AGBL3: variants seen among roughly 807,000 people sequenced by gnomAD.
AGBL3 encodes AGBL carboxypeptidase 3, also known as cytosolic carboxypeptidase 3.
Under a neutral mutation model 94.5 loss-of-function variants are expected in AGBL3, and 68 were observed. The observed-to-expected ratio is 0.72, with a 90% CI of 0.59 to 0.88. The LOEUF is 0.88. Ranked by LOEUF, AGBL3 falls within the 40% of genes least tolerant of loss-of-function variation. AGBL3 has a pLI of 0.00. For missense variants in AGBL3, 934 were observed against 1,103.8 expected (o/e 0.85, Z 2.18); for synonymous variants, 354 against 370.7 (o/e 0.95, Z 0.52).
chr7:135,122,880 C>A lies in AGBL3; in HGVS notation c.2342+7269C>A, dbSNP rs922948481. 4.6e-5 allele frequency among the ~76,000 whole-genome samples: 7 copies of A among 152,220 alleles called. No homozygotes were observed. In the South Asian group the frequency reaches 1.5e-3, roughly 32 times the overall value. ...ACAACAAACAAGCCCCCAGAAAAAC[C>A]CCATCCAAGGATCAGCGCCTCAAAG... On this transcript the variant is annotated intron_variant, in intron 16 of 16. Coordinates refer to ENST00000436302, the MANE Select transcript of AGBL3 (RefSeq NM_178563.4).
At chr7:135,007,086 A>AATT in intron 4 of AGBL3, among the ~76,000 whole-genome samples, 1 of 152,064 alleles carries the variant, frequency 6.6e-6, no homozygotes, top group African/African-American at 2.4e-5. Flanking sequence ...TTCATTGCTG[A>AATT]ATTCTTCCAA....
intron 15 of AGBL3, among the ~76,000 whole-genome samples, chr7:135,112,390 T>A (rs1248194732): frequency 2.0e-5 from 3 of 152,210 alleles, no homozygotes; most frequent in Non-Finnish European, 2.9e-5. Context: ...TCTCAGAGGA[T>A]CTCAAAAGTG....
rs149625116 is a variant in AGBL3, at chr7:135,094,950, T to C, written c.2110+13160T>C. Among the ~76,000 whole-genome samples the C allele has an allele frequency of 2.3e-3, 343 of 152,348 alleles. 1 individual carries two copies. Among genetic ancestry groups the C allele is most frequent in the African/African-American group, 7.6e-3 (315 of 41,578 alleles). ...GACTGGGATCAGTTTCCTTGTATTG[T>C]TGAGAGCACAGATGTTTGCAAAGGA... On this transcript the variant is annotated intron_variant, in intron 15 of 16. Coordinates refer to ENST00000436302, the MANE Select transcript of AGBL3 (RefSeq NM_178563.4).
intron 5 of AGBL3, among the ~76,000 whole-genome samples, chr7:135,030,338 T>C (rs549990600): frequency 2.8e-4 from 43 of 152,310 alleles, no homozygotes; most frequent in Non-Finnish European, 5.7e-4. Context: ...CAAAGGTGCA[T>C]TTTCAACTTG....
chr7:135,064,999 C>G (rs1819159138), intron 12 of AGBL3, among the ~76,000 whole-genome samples: 1 of 152,164 alleles, frequency 6.6e-6, no homozygotes, highest in African/African-American at 2.4e-5. Context: ...TGGTTCCATT[C>G]TCAGACAGAC....
At chr7:135,030,641 CAG>C (rs1815634945) in intron 5 of AGBL3, among the ~76,000 whole-genome samples, 1 of 152,054 alleles carries the variant, frequency 6.6e-6, no homozygotes, top group Admixed American at 6.6e-5. Context: ...GAGAAAATTT[CAG>C]CCATTATTTC....
At chr7:135,126,574 T>G (rs1279482270) in intron 16 of AGBL3, among the ~76,000 whole-genome samples, 1 of 152,176 alleles carries the variant, frequency 6.6e-6, no homozygotes, top group Non-Finnish European at 1.5e-5. Context: ...AAACCCCGAA[T>G]AGCCAAGACA....
At chr7:135,095,719 C>T (rs1289357816) in intron 15 of AGBL3, among the ~76,000 whole-genome samples, 4 of 152,164 alleles carry the variant, frequency 2.6e-5, no homozygotes, top group African/African-American at 4.8e-5. Flanking sequence ...GTCACTGTCA[C>T]TTTTTTTCCC....
intron 11 of AGBL3, among the ~76,000 whole-genome samples, chr7:135,054,645 C>T (rs762003543): frequency 6.6e-6 from 1 of 151,694 alleles, no homozygotes; most frequent in African/African-American, 2.4e-5. Context: ...GTTTCTTAGC[C>T]AAAAAAGGAA....
chr7:135,013,298 G>T (rs527808104), intron 4 of AGBL3, among the ~76,000 whole-genome samples: 3 of 152,158 alleles, frequency 2.0e-5, no homozygotes, highest in African/African-American at 7.2e-5. Flanking sequence ...CTAATACATT[G>T]TTGGTGGGAA....
At chr7:135,120,946 G>A (rs1347533661) in intron 16 of AGBL3, among the ~76,000 whole-genome samples, 1 of 152,214 alleles carries the variant, frequency 6.6e-6, no homozygotes, top group Non-Finnish European at 1.5e-5. Flanking sequence ...GCTTACACCT[G>A]TAATCCCAGC....
At chr7:135,078,563 C>A in intron 13 of AGBL3, among the ~76,000 whole-genome samples, 1 of 152,060 alleles carries the variant, frequency 6.6e-6, no homozygotes, top group East Asian at 1.9e-4. Flanking sequence ...ATAAATATAT[C>A]CACAGAGTGG....
chr7:135,057,381 AAG>A (rs1333543809), intron 11 of AGBL3, among the ~76,000 whole-genome samples: 1 of 152,000 alleles, frequency 6.6e-6, no homozygotes, highest in Non-Finnish European at 1.5e-5. Context: ...TGATCCATGA[AAG>A]AAAAAAATTA....
chr7:135,101,716 T>G (rs921406287), intron 15 of AGBL3, among the ~76,000 whole-genome samples: 1 of 152,192 alleles, frequency 6.6e-6, no homozygotes, highest in Non-Finnish European at 1.5e-5. Flanking sequence ...TCTTGGGATA[T>G]TTCTATACTG....
At chr7:135,069,480 G>A (rs1819676533) in intron 12 of AGBL3, among the ~76,000 whole-genome samples, 1 of 152,110 alleles carries the variant, frequency 6.6e-6, no homozygotes, top group Non-Finnish European at 1.5e-5. Flanking sequence ...TGGAAGTAAA[G>A]CACTCCTCAG....
chr7:135,048,223 G>C (rs887141310), intron 11 of AGBL3, among the ~76,000 whole-genome samples: 2 of 151,824 alleles, frequency 1.3e-5, no homozygotes, highest in African/African-American at 4.8e-5. Flanking sequence ...GTCTCTGTCA[G>C]TGTCATACTC....
chr7:135,005,810 G>GA (rs1812314307), intron 4 of AGBL3, among the ~76,000 whole-genome samples: 1 of 151,700 alleles, frequency 6.6e-6, no homozygotes, highest in Non-Finnish European at 1.5e-5. Flanking sequence ...GGTTTTTCAT[G>GA]AAAGTGAAAA....
chr7:135,036,475 A>G (rs1197533580), intron 7 of AGBL3, among the ~76,000 whole-genome samples: 1 of 152,222 alleles, frequency 6.6e-6, no homozygotes, highest in Non-Finnish European at 1.5e-5. Context: ...GTTAAATATT[A>G]ATTGGCTTCA....
chr7:135,008,829 A>G (rs1168714193), intron 4 of AGBL3, among the ~76,000 whole-genome samples: 2 of 152,208 alleles, frequency 1.3e-5, no homozygotes. Context: ...AAAGGATCTA[A>G]ATAAACATTT....
Sources: allele counts gnomAD v4.1 joint callset (sites outside exome capture counted in the v4.1 genomes callset), GRCh38; gene constraint gnomAD v4.1.1; transcripts MANE v1.5; gene names NCBI Gene and HGNC (gene_info 2026-07-23, HGNC 2026-07-21).